ITPR2: variants seen among roughly 807,000 people sequenced by gnomAD.
The protein encoded by ITPR2 is inositol 1,4,5-trisphosphate receptor type 2.
Under a neutral mutation model 317.1 loss-of-function variants are expected in ITPR2, and 207 were observed. The ratio of observed to expected loss-of-function variants is 0.65; its 90% CI spans 0.58 to 0.73. The LOEUF (loss-of-function observed/expected upper bound fraction) is 0.73. Among genes scored for constraint, ITPR2 ranks in the 30% least tolerant of loss-of-function variants. The probability of loss-of-function intolerance (pLI) is 0.00; values close to 1 mark genes in which losing one functional copy is unlikely to be tolerated. For missense variants in ITPR2, 2,613 were observed against 3,284.0 expected (o/e 0.80, Z 4.99); for synonymous variants, 1,156 against 1,149.1 (o/e 1.01, Z -0.12).
intron 5 of ITPR2, among the ~76,000 whole-genome samples, chr12:26,719,080 A>G (rs536343665): frequency 6.6e-6 from 1 of 152,308 alleles, no homozygotes; most frequent in East Asian, 1.9e-4. Flanking sequence ...TGCCTAACCA[A>G]GCTGAATAAA....
At chr12:26,703,158 G>C (rs975896793) in intron 9 of ITPR2, among the ~76,000 whole-genome samples, 4 of 152,176 alleles carry the variant, frequency 2.6e-5, no homozygotes, top group African/African-American at 9.7e-5. Flanking sequence ...TTTGTGCTTA[G>C]ATTTAAGGTT....
At chr12:26,665,296 C>T (rs1031386429) in intron 14 of ITPR2, among the ~76,000 whole-genome samples, 10 of 152,146 alleles carry the variant, frequency 6.6e-5, no homozygotes, top group African/African-American at 1.9e-4. Context: ...GGAAATTCTA[C>T]CTAGGAATTT....
At position 26,336,486 on chromosome 12, in the gene ITPR2, AT is replaced by A. The variant is rs983225835; in HGVS notation, c.*2910del. Reference sequence around the variant, plus strand: ...AGAAAATAAGCTTATTTCTAACTTAATTTTTTAAGGGGTAGAAAATATGATA... The same window carrying A: ...AGAAAATAAGCTTATTTCTAACTTAATTTTTAAGGGGTAGAAAATATGATA... On this transcript the variant is annotated 3_prime_UTR_variant, in exon 57 of 57. Transcript: ENST00000381340. 5 of 152,150 alleles carry A rather than the reference AT, an allele frequency of 3.3e-5. No individual in the cohort carries two copies. Among genetic ancestry groups the A allele is most frequent in the African/African-American group, 7.2e-5 (3 of 41,430 alleles). 9.4% of individuals were successfully genotyped at this position (152,150 alleles called of 1,614,324 possible). A position where few individuals can be genotyped will look rare whatever the true frequency, so the allele number is the denominator to read the frequency against.
At chr12:26,761,187 A>G (rs1484435224) in intron 2 of ITPR2, among the ~76,000 whole-genome samples, 1 of 152,170 alleles carries the variant, frequency 6.6e-6, no homozygotes, top group East Asian at 1.9e-4. Context: ...TCATATACCT[A>G]CTGACCCAGG....
chr12:26,661,259 G>A (rs1221488368), intron 15 of ITPR2, among the ~76,000 whole-genome samples: 3 of 124,504 alleles, frequency 2.4e-5, no homozygotes, highest in East Asian at 3.4e-4. Context: ...GATATGACTA[G>A]GTAGGGGTGT....
intron 35 of ITPR2, among the ~76,000 whole-genome samples, chr12:26,558,123 T>C (rs1944713537): frequency 6.6e-6 from 1 of 152,186 alleles, no homozygotes; most frequent in Non-Finnish European, 1.5e-5. Flanking sequence ...AAGAGACTAA[T>C]GGGAACTAGC....
At chr12:26,342,814 G>C (rs1183932568) in intron 55 of ITPR2, among the ~76,000 whole-genome samples, 1 of 151,940 alleles carries the variant, frequency 6.6e-6, no homozygotes, top group African/African-American at 2.4e-5. Flanking sequence ...TCTTCATGTT[G>C]GTCAGGCTAG....
chr12:26,782,907 C>T (rs1440564495), intron 2 of ITPR2, among the ~76,000 whole-genome samples: 1 of 152,216 alleles, frequency 6.6e-6, no homozygotes, highest in Non-Finnish European at 1.5e-5. Flanking sequence ...AAGTATTCAT[C>T]ATGGGCTGAG....
intron 37 of ITPR2, among the ~76,000 whole-genome samples, chr12:26,518,934 G>T (rs746832829): frequency 1.3e-5 from 2 of 151,952 alleles, no homozygotes; most frequent in Non-Finnish European, 2.9e-5. Flanking sequence ...TTTTTTGAAA[G>T]ACTGCATAAA....
At position 26,342,497 on chromosome 12, in the gene ITPR2, TGGGGGGGGG is replaced by T. The variant is rs57105007; in HGVS notation, c.7858-2178_7858-2170del. 7.9e-4 allele frequency among the ~76,000 whole-genome samples: 3 copies of T among 3,792 alleles called. 1 individual carries two copies. Among genetic ancestry groups the T allele is most frequent in the Non-Finnish European group, 2.3e-3 (3 of 1,326 alleles). 2.5% of individuals were successfully genotyped at this position (3,792 alleles called of 152,430 possible). ...ATGGGAGGTGTTTGGGTCACGGCGG[TGGGGGGGGG>T]GGGGGGGCGGGGGTCAGATCCCTCA... On this transcript the variant is annotated intron_variant, in intron 55 of 56. Coordinates refer to ENST00000381340, the MANE Select transcript of ITPR2 (RefSeq NM_002223.4).
At position 26,362,133 on chromosome 12, in the gene ITPR2, G is replaced by A. The variant is rs118130189; in HGVS notation, c.7858-21805C>T. ...GGGGCTGGAGGGTGCTGTATTCCCAGGCTTCAAGCTGGGGTCAAAGTGCTA... is the reference window on the plus strand; with the variant it reads ...GGGGCTGGAGGGTGCTGTATTCCCAAGCTTCAAGCTGGGGTCAAAGTGCTA... On this transcript the variant is annotated intron_variant, in intron 55 of 56. Transcript: ENST00000381340. Among the ~76,000 whole-genome samples, 43 of 152,274 alleles carry A rather than the reference G, an allele frequency of 2.8e-4. No homozygotes were observed. The East Asian group carries it at 7.7e-3, about 27-fold the overall frequency.
At position 26,668,052 on chromosome 12, in the gene ITPR2, T is replaced by C. The variant is rs139123328; in HGVS notation, c.1410-2001A>G. Among the ~76,000 whole-genome samples the C allele has an allele frequency of 3.0e-3, 460 of 152,332 alleles. 2 individuals are homozygous for C. The highest frequency in any genetic ancestry group is 0.011 in the African/African-American group (441 of 41,584). ...CCTTGCACCTCAAGCATCCCCTTTG[T>C]GGCAAAACAAAAAAGCTGGTTTGTT... On this transcript the variant is annotated intron_variant, in intron 13 of 56. Coordinates refer to ENST00000381340, the MANE Select transcript of ITPR2 (RefSeq NM_002223.4).
At chr12:26,607,464 A>T (rs1283334250) in intron 26 of ITPR2, among the ~76,000 whole-genome samples, 2 of 152,112 alleles carry the variant, frequency 1.3e-5, no homozygotes, top group African/African-American at 4.8e-5. Flanking sequence ...TCTCCCTCCC[A>T]TCTAATGATA....
intron 2 of ITPR2, among the ~76,000 whole-genome samples, chr12:26,764,912 TTTCTC>T (rs2137133513): frequency 6.6e-6 from 1 of 152,218 alleles, no homozygotes; most frequent in Non-Finnish European, 1.5e-5. Context: ...TTGTTATTGT[TTTCTC>T]TTCTTTAGCT....
At position 26,605,126 on chromosome 12, in the gene ITPR2, A is replaced by AAAAAAAAAAATATATATATATATATAT. The variant is rs1555165395; in HGVS notation, c.3463-2421_3463-2420insATATATATATATATATATTTTTTTTTT. On this transcript the variant is annotated intron_variant, in intron 26 of 56. Transcript: ENST00000381340. ...ATAAAAATAAAAAATAAAAAATAAA[A>AAAAAAAAAAATATATATATATATATAT]ATATATATATATATATGAGAAAGTG... Among the ~76,000 whole-genome samples the AAAAAAAAAAATATATATATATATATAT allele has an allele frequency of 4.3e-4, 59 of 136,292 alleles. 2 individuals are homozygous for AAAAAAAAAAATATATATATATATATAT. Among genetic ancestry groups the AAAAAAAAAAATATATATATATATATAT allele is most frequent in the Middle Eastern group, 4.0e-3 (1 of 248 alleles). 89.4% of individuals were successfully genotyped at this position (136,292 alleles called of 152,430 possible).
intron 40 of ITPR2, 103 bp downstream of exon 40, chr12:26,486,965 A>T: frequency 8.5e-7 from 1 of 1,178,928 alleles, no homozygotes; most frequent in Non-Finnish European, 1.3e-6. Context: ...CAGTGGGGAT[A>T]ATTAAACCAA....
chr12:26,446,109 G>A (rs942097911), intron 45 of ITPR2, among the ~76,000 whole-genome samples: 3 of 152,100 alleles, frequency 2.0e-5, no homozygotes, highest in African/African-American at 7.2e-5. Context: ...AGTGAAGTAG[G>A]AAGCTGATAA....
At chr12:26,406,024 C>T (rs186798969) in intron 52 of ITPR2, among the ~76,000 whole-genome samples, 12 of 152,124 alleles carry the variant, frequency 7.9e-5, no homozygotes, top group Admixed American at 4.6e-4. Flanking sequence ...ATAATCAATT[C>T]ATTGGTGGAA....
intron 45 of ITPR2, among the ~76,000 whole-genome samples, chr12:26,456,021 A>C (rs1941876067): frequency 6.6e-6 from 1 of 152,222 alleles, no homozygotes; most frequent in African/African-American, 2.4e-5. Flanking sequence ...ACAATAATTA[A>C]TATATGCCTT....
Sources: allele counts gnomAD v4.1 joint callset (sites outside exome capture counted in the v4.1 genomes callset), GRCh38; gene constraint gnomAD v4.1.1; transcripts MANE v1.5; gene names NCBI Gene and HGNC (gene_info 2026-07-23, HGNC 2026-07-21).